Variants in RGS17 observed in about 807,000 individuals in gnomAD.
RGS17 encodes regulator of G protein signaling 17, also known as regulator of G-protein signaling 17.
RGS17 carries 12 observed loss-of-function variants against 25.5 expected under a neutral mutation model. That is an observed-to-expected ratio of 0.47 (90% CI 0.30 to 0.76). RGS17 has a LOEUF of 0.76. RGS17 is among the 30% of genes least tolerant of loss of function. RGS17 has a pLI of 0.07. For missense variants in RGS17, 196 were observed against 242.2 expected (o/e 0.81, Z 1.27); for synonymous variants, 71 against 76.9 (o/e 0.92, Z 0.40).
chr6:153,126,557 A>T (rs1050631347), intron 1 of RGS17, among the ~76,000 whole-genome samples: 1 of 152,216 alleles, frequency 6.6e-6, no homozygotes, highest in South Asian at 2.1e-4. Context: ...AGCAGTGGAA[A>T]CACAGGCTAA....
intron 1 of RGS17, among the ~76,000 whole-genome samples, chr6:153,105,045 T>C (rs1584159231): frequency 6.6e-6 from 1 of 152,040 alleles, no homozygotes; most frequent in East Asian, 1.9e-4. Flanking sequence ...GCCTGGAAGG[T>C]GATCAGTACC....
At chr6:153,017,956 ATCC>A (rs1463856130) in intron 4 of RGS17, among the ~76,000 whole-genome samples, 3 of 152,208 alleles carry the variant, frequency 2.0e-5, no homozygotes, top group East Asian at 3.9e-4. Context: ...AGAATACATG[ATCC>A]TCCTATCAAT....
At chr6:153,025,566 C>T (rs1002786131) in intron 3 of RGS17, among the ~76,000 whole-genome samples, 1 of 150,152 alleles carries the variant, frequency 6.7e-6, no homozygotes, top group African/African-American at 2.4e-5. Flanking sequence ...ATCTTCCTTT[C>T]CTATTCAATG....
intron 3 of RGS17, among the ~76,000 whole-genome samples, chr6:153,025,562 C>CT (rs1478917236): frequency 6.7e-6 from 1 of 150,278 alleles, no homozygotes; most frequent in Non-Finnish European, 1.5e-5. Context: ...TCTGATCTTC[C>CT]TTTCCTATTC....
chr6:153,089,772 T>TA (rs564544435), intron 1 of RGS17, among the ~76,000 whole-genome samples: 242 of 152,302 alleles, frequency 1.6e-3, no homozygotes, highest in African/African-American at 5.2e-3. Context: ...TTAAGTTTTT[T>TA]AAAAAACACC....
chr6:153,020,324 T>G (rs2129106487), intron 4 of RGS17, among the ~76,000 whole-genome samples: 1 of 150,842 alleles, frequency 6.6e-6, no homozygotes, highest in African/African-American at 2.4e-5. Context: ...CGGCTAATTT[T>G]TTGTATTTTT....
chr6:153,099,049 A>C (rs1777257990), intron 1 of RGS17, among the ~76,000 whole-genome samples: 1 of 152,146 alleles, frequency 6.6e-6, no homozygotes, highest in South Asian at 2.1e-4. Flanking sequence ...GCCCCTTTTC[A>C]CGTTCTAAAA....
intron 4 of RGS17, among the ~76,000 whole-genome samples, chr6:153,017,407 G>A (rs549204176): frequency 2.6e-5 from 4 of 152,234 alleles, no homozygotes; most frequent in African/African-American, 7.2e-5. Flanking sequence ...GAGGTAAAGC[G>A]AGGAGAATGA....
intron 4 of RGS17, among the ~76,000 whole-genome samples, chr6:153,021,277 T>C (rs767697121): frequency 1.3e-5 from 2 of 152,172 alleles, no homozygotes; most frequent in Admixed American, 6.6e-5. Flanking sequence ...CAGGACTCTC[T>C]CAATCTGACA....
chr6:153,107,566 C>G (rs1418323026), intron 1 of RGS17, among the ~76,000 whole-genome samples: 1 of 151,798 alleles, frequency 6.6e-6, no homozygotes. Flanking sequence ...AGTACAAAAT[C>G]AACTTCTTAA....
chr6:153,022,002 C>T (rs1779252262), intron 4 of RGS17, among the ~76,000 whole-genome samples: 1 of 152,060 alleles, frequency 6.6e-6, no homozygotes, highest in Admixed American at 6.6e-5. Context: ...GAGGTCAGGA[C>T]TTCGAGGGCA....
rs963766482 is a variant in RGS17 at position 153,004,931 on chromosome 6, G to T, written c.*6643C>A. 6 of 152,152 alleles carry T rather than the reference G, an allele frequency of 3.9e-5. No individual in the cohort carries two copies. Among genetic ancestry groups the T allele is most frequent in the African/African-American group, 1.4e-4 (6 of 41,436 alleles). The allele number at this position is 152,152 out of a possible 1,614,324, so 9.4% of individuals were successfully genotyped here. A position where few individuals can be genotyped will look rare whatever the true frequency, so the allele number is the denominator to read the frequency against. Reference sequence around the variant, plus strand: ...AGTACAATATATGGATATAGATTAAGTGTGATGAACATGGTAGTAAAAAAT... The same window carrying T: ...AGTACAATATATGGATATAGATTAATTGTGATGAACATGGTAGTAAAAAAT... On this transcript the variant is annotated 3_prime_UTR_variant, in exon 5 of 5. Transcript: ENST00000206262.
At chr6:153,107,980 C>CAGA (rs1299967424) in intron 1 of RGS17, among the ~76,000 whole-genome samples, 1 of 152,184 alleles carries the variant, frequency 6.6e-6, no homozygotes, top group African/African-American at 2.4e-5. Flanking sequence ...AAGGGGAGCT[C>CAGA]AGATTGCTCC....
chr6:153,111,237 T>C (rs1777465301), intron 1 of RGS17, among the ~76,000 whole-genome samples: 1 of 152,160 alleles, frequency 6.6e-6, no homozygotes, highest in African/African-American at 2.4e-5. Flanking sequence ...CTTGCTGGGA[T>C]GCTCGAGCTT....
Position 153,017,009 on chromosome 6 carries a change from T to C in RGS17, c.445-5247A>G, listed in dbSNP as rs1456679500. ...GAACTCATCCTAAGGGAAGAGAAAG[T>C]TGAGTAGCACAAGATAAGAGCTATC... On this transcript the variant is annotated intron_variant, in intron 4 of 4. Coordinates refer to ENST00000206262, the MANE Select transcript of RGS17 (RefSeq NM_012419.5). Among the ~76,000 whole-genome samples the C allele has an allele frequency of 3.3e-5, 5 of 152,280 alleles. 2 individuals are homozygous for C. In the South Asian group the frequency reaches 8.3e-4, roughly 25 times the overall value.
chr6:153,103,840 G>A (rs1777341887), intron 1 of RGS17, among the ~76,000 whole-genome samples: 2 of 152,148 alleles, frequency 1.3e-5, no homozygotes, highest in South Asian at 4.1e-4. Flanking sequence ...TCCCAATAGA[G>A]GAAGAGAGGT....
intron 2 of RGS17, among the ~76,000 whole-genome samples, chr6:153,027,296 G>T (rs573347766): frequency 6.6e-6 from 1 of 152,200 alleles, no homozygotes; most frequent in South Asian, 2.1e-4. Context: ...AATAAGAATT[G>T]TCCAATGACA....
At chr6:153,044,110 G>A (rs1382022571) in intron 1 of RGS17, 67 bp from the exon 2 acceptor site, 3 of 776,772 alleles carry the variant, frequency 3.9e-6, no homozygotes, top group Admixed American at 2.0e-5. Context: ...TATGCTGAAG[G>A]AAGGCTCATT....
chr6:153,093,284 G>T (rs1777158159), intron 1 of RGS17, among the ~76,000 whole-genome samples: 1 of 152,056 alleles, frequency 6.6e-6, no homozygotes. Flanking sequence ...GCTATCTACA[G>T]GCAGATGAAC....
Sources: allele counts gnomAD v4.1 joint callset (sites outside exome capture counted in the v4.1 genomes callset), GRCh38; gene constraint gnomAD v4.1.1; transcripts MANE v1.5; gene names NCBI Gene and HGNC (gene_info 2026-07-23, HGNC 2026-07-21).